Variants in TSPAN9 observed in about 807,000 individuals in gnomAD.
The protein encoded by TSPAN9 is tetraspanin 9, also known as tetraspanin-9.
A neutral mutation model predicts 31.0 loss-of-function variants in TSPAN9; 16 were observed. That is an observed-to-expected ratio of 0.52 (90% CI 0.35 to 0.78). The LOEUF (loss-of-function observed/expected upper bound fraction) is 0.78, where lower values mean the gene tolerates loss of function less well. TSPAN9 is among the 30% of genes least tolerant of loss of function. TSPAN9 has a pLI of 0.01. For missense variants in TSPAN9, 272 were observed against 312.5 expected (o/e 0.87, Z 0.98); for synonymous variants, 145 against 121.6 (o/e 1.19, Z -1.27).
rs538373914 is a variant in TSPAN9 at position 3,155,610 on chromosome 12, TAAAG to T, written c.-17-45565_-17-45562del. Among the ~76,000 whole-genome samples the T allele has an allele frequency of 3.1e-3, 446 of 143,440 alleles. 5 individuals are homozygous for T. The highest frequency in any genetic ancestry group is 3.1e-3 in the Non-Finnish European group (202 of 64,298). The allele number at this position is 143,440 out of a possible 152,430, so 94.1% of individuals were successfully genotyped here. The stretch of plus-strand genomic sequence containing the variant: ...CCCTGTCTCTTTAAAAAAAAAAAAA[TAAAG>T]AGGGAGCGAGAGCAAGACCACGTCT... On this transcript the variant is annotated intron_variant, in intron 2 of 8. Transcript: ENST00000011898.
At chr12:3,202,845 T>C (rs987814553) in intron 3 of TSPAN9, among the ~76,000 whole-genome samples, 5 of 152,202 alleles carry the variant, frequency 3.3e-5, no homozygotes, top group African/African-American at 1.2e-4. Flanking sequence ...CTGGGGCAGA[T>C]AGTCTCATTC....
At chr12:3,224,492 A>G (rs2098386139) in intron 3 of TSPAN9, among the ~76,000 whole-genome samples, 1 of 152,236 alleles carries the variant, frequency 6.6e-6, no homozygotes, top group East Asian at 1.9e-4. Context: ...GGGAAATGCC[A>G]GTGAGCTGGG....
intron 2 of TSPAN9, among the ~76,000 whole-genome samples, chr12:3,191,488 C>T (rs115024957): frequency 6.6e-6 from 1 of 152,090 alleles, no homozygotes. Context: ...ACAACTAGTC[C>T]AGTCTGCTTG....
chr12:3,228,114 C>T (rs563818670), intron 3 of TSPAN9, among the ~76,000 whole-genome samples: 15 of 152,206 alleles, frequency 9.9e-5, no homozygotes, highest in Non-Finnish European at 1.6e-4. Context: ...TTTGGAAGGC[C>T]GAGATGGGAG....
At chr12:3,108,207 A>C (rs2098315650) in intron 2 of TSPAN9, among the ~76,000 whole-genome samples, 1 of 152,200 alleles carries the variant, frequency 6.6e-6, no homozygotes, top group Non-Finnish European at 1.5e-5. Context: ...TGCTGTGATA[A>C]ATGTATCACA....
chr12:3,088,169 C>T (rs1165004178), intron 2 of TSPAN9, among the ~76,000 whole-genome samples: 2 of 152,248 alleles, frequency 1.3e-5, no homozygotes, highest in East Asian at 1.9e-4. Context: ...GAGGTCTGGG[C>T]TTGCAATTTT....
intron 2 of TSPAN9, among the ~76,000 whole-genome samples, chr12:3,105,789 C>CGCTCAT (rs2153964793): frequency 6.8e-6 from 1 of 147,944 alleles, no homozygotes; most frequent in Admixed American, 6.7e-5. Flanking sequence ...CGCTCATACA[C>CGCTCAT]ACTCACGCAC....
At chr12:3,261,423 G>A (rs1862445747) in intron 3 of TSPAN9, among the ~76,000 whole-genome samples, 1 of 152,180 alleles carries the variant, frequency 6.6e-6, no homozygotes, top group African/African-American at 2.4e-5. Context: ...CTGGCAAGGG[G>A]TAGAGCTGGG....
intron 2 of TSPAN9, among the ~76,000 whole-genome samples, chr12:3,139,586 T>G (rs2098333781): frequency 6.6e-6 from 1 of 152,316 alleles, no homozygotes; most frequent in Middle Eastern, 3.4e-3. Context: ...TTCTTTTTTT[T>G]GAGACAGGGT....
chr12:3,080,549 G>A (rs2098297366), intron 1 of TSPAN9, among the ~76,000 whole-genome samples: 1 of 151,968 alleles, frequency 6.6e-6, no homozygotes, highest in East Asian at 1.9e-4. Context: ...TGTTGGCCAG[G>A]CTGGTCTTGA....
chr12:3,282,073 A>T lies in TSPAN9; in HGVS notation c.648+256A>T, dbSNP rs1862905452. On this transcript the variant is annotated intron_variant, in intron 8 of 8. Transcript: ENST00000011898. Reference sequence around the variant, plus strand: ...AGGCTGGGATATTGAAGCTGGAGTCAACCCCCGTGGGTTCCCCCAGTTCTG... The same window carrying T: ...AGGCTGGGATATTGAAGCTGGAGTCTACCCCCGTGGGTTCCCCCAGTTCTG... 9.0e-6 allele frequency: 6 copies of T among 668,438 alleles called. No homozygotes were observed. The South Asian group carries it at 1.0e-4, about 11-fold the overall frequency. The allele number at this position is 668,438 out of a possible 1,614,324, so 41.4% of individuals were successfully genotyped here. A position where few individuals can be genotyped will look rare whatever the true frequency, so the allele number is the denominator to read the frequency against.
rs868343035 is a variant in TSPAN9, at chr12:3,212,007, C to T, written c.63+10751C>T. 1.3e-4 allele frequency: 101 copies of T among 748,278 alleles called. No individual in the cohort carries two copies. The African/African-American group carries it at 1.5e-3, about 11-fold the overall frequency. 46.4% of individuals were successfully genotyped at this position (748,278 alleles called of 1,614,324 possible). On this transcript the variant is annotated intron_variant, in intron 3 of 8. Coordinates refer to ENST00000011898, the MANE Select transcript of TSPAN9 (RefSeq NM_006675.5). Reference sequence around the variant, plus strand: ...TATTTTTTGAGATATAATCTTTCTCCGTCACCCAGGCTGGAGTGCAGTGGC... The same window carrying T: ...TATTTTTTGAGATATAATCTTTCTCTGTCACCCAGGCTGGAGTGCAGTGGC...
intron 2 of TSPAN9, among the ~76,000 whole-genome samples, chr12:3,127,524 T>A (rs1353153409): frequency 6.6e-6 from 1 of 151,788 alleles, no homozygotes. Flanking sequence ...CCCGGCTAAT[T>A]TTTTGTATTT....
At chr12:3,161,538 C>T (rs2098345223) in intron 2 of TSPAN9, among the ~76,000 whole-genome samples, 1 of 152,148 alleles carries the variant, frequency 6.6e-6, no homozygotes, top group Non-Finnish European at 1.5e-5. Flanking sequence ...AACCCACCAC[C>T]TGGGGAGCAG....
Position 3,243,982 on chromosome 12 carries a change from C to T in TSPAN9, c.64-34439C>T, listed in dbSNP as rs536306965. ...GGCTTACCCGCAGGGTCTTGGCAGT[C>T]AGTCATAAGTTCTCTGGTGCCTGGC... is the stretch of plus-strand genomic sequence containing the variant. On this transcript the variant is annotated intron_variant, in intron 3 of 8. Transcript: ENST00000011898. Among the ~76,000 whole-genome samples the T allele has an allele frequency of 7.2e-5, 11 of 152,324 alleles. No individual in the cohort carries two copies. In the East Asian group the frequency reaches 2.1e-3, roughly 29 times the overall value.
Position 3,109,798 on chromosome 12 carries a change from CA to C in TSPAN9, c.-18+26096del, listed in dbSNP as rs147799673. ...GGGCAACAAGAGCAAAACTCTGTCT[CA>C]AAAAAAAAAAAAAAAAGACTTTTTA... On this transcript the variant is annotated intron_variant, in intron 2 of 8. Coordinates refer to ENST00000011898, the MANE Select transcript of TSPAN9 (RefSeq NM_006675.5). Among the ~76,000 whole-genome samples the C allele has an allele frequency of 8.6e-3, 786 of 91,900 alleles. 1 individual carries two copies. Among genetic ancestry groups the C allele is most frequent in the Admixed American group, 0.01 (85 of 8,192 alleles). The allele number at this position is 91,900 out of a possible 152,430, so 60.3% of individuals were successfully genotyped here.
Position 3,281,301 on chromosome 12 carries a change from G to T in TSPAN9, c.536G>T (p.Arg179Leu). 6.4e-7 allele frequency: 1 copy of T among 1,550,654 alleles called. No homozygotes were observed. Among genetic ancestry groups the T allele is most frequent in the South Asian group, 1.2e-5 (1 of 83,990 alleles). ...CCMENSQGCG[R>L]NATTPLWRTG... ...ATGGAGAACTCCCAGGGCTGCGGGC[G>T]CAACGCCACCACGCCTTTGTGGAGA... Residue 179 changes from arginine to leucine, a missense_variant, in exon 7 of 9, where the codon CGC (arginine) becomes CTC (leucine). Arg to Leu is a moderately radical substitution (Grantham distance 102). Coordinates refer to ENST00000011898, the MANE Select transcript of TSPAN9 (RefSeq NM_006675.5).
At chr12:3,154,764 G>A (rs1044872183) in intron 2 of TSPAN9, among the ~76,000 whole-genome samples, 4 of 152,232 alleles carry the variant, frequency 2.6e-5, no homozygotes, top group Admixed American at 2.6e-4. Context: ...CTTCGGTCCT[G>A]TGAGCATCTG....
intron 3 of TSPAN9, among the ~76,000 whole-genome samples, chr12:3,209,770 T>G (rs2098377382): frequency 2.0e-5 from 3 of 151,778 alleles, no homozygotes; most frequent in South Asian, 4.2e-4. Context: ...CCATCCTGGC[T>G]AACACGGTGA....
Sources: gnomAD v4.1 joint callset for allele counts (sites outside exome capture counted in the v4.1 genomes callset) on GRCh38, gnomAD v4.1.1 for gene constraint, MANE v1.5 for transcripts, NCBI Gene and HGNC (gene_info 2026-07-23, HGNC 2026-07-21) for gene names.